FAM171A1: variants seen among roughly 807,000 people sequenced by gnomAD.
The protein encoded by FAM171A1 is family with sequence similarity 171 member A1, also known as protein FAM171A1.
FAM171A1 carries 23 observed loss-of-function variants against 74.9 expected under a neutral mutation model. The observed-to-expected ratio is 0.31, with a 90% CI of 0.22 to 0.44. The LOEUF (loss-of-function observed/expected upper bound fraction) is 0.44, where lower values mean the gene tolerates loss of function less well. FAM171A1 is among the 20% of genes least tolerant of loss of function. FAM171A1 has a pLI of 1.00. For missense variants in FAM171A1, 1,162 were observed against 1,159.2 expected (o/e 1.00, Z -0.03); for synonymous variants, 527 against 505.7 (o/e 1.04, Z -0.57).
intron 1 of FAM171A1, among the ~76,000 whole-genome samples, chr10:15,312,295 C>T (rs1293131193): frequency 6.9e-6 from 1 of 144,210 alleles, no homozygotes; most frequent in Non-Finnish European, 1.6e-5. Context: ...GAGACGCTCA[C>T]TCCAACTGTC....
chr10:15,212,965 G>A lies in FAM171A1; in HGVS notation c.2623C>T (p.Pro875Ser), dbSNP rs754969038. Residue 875 changes from proline (P) to serine (S), a missense_variant, in exon 8 of 8, where the codon CCC becomes TCC. Transcript: ENST00000378116. The part of the protein sequence containing the change: ...DDDQGEDKKS[P>S]WQKREERPLM... ...GGCCTCTCCTCCCGTTTCTGCCAGG[G>A]GCTTTTCTTGTCTTCTCCTTGGTCA... 1 of 1,614,056 alleles carries A rather than the reference G, an allele frequency of 6.2e-7. No homozygotes were observed. Among genetic ancestry groups the A allele is most frequent in the Non-Finnish European group, 8.5e-7 (1 of 1,180,018 alleles).
intron 5 of FAM171A1, among the ~76,000 whole-genome samples, chr10:15,247,343 C>T (rs541054052): frequency 3.2e-4 from 48 of 152,158 alleles, no homozygotes; most frequent in Non-Finnish European, 4.7e-4. Context: ...AGCGACATCA[C>T]TCACTGTGAC....
rs570454837 is a variant in FAM171A1, at chr10:15,342,069, C to T, written c.97+28887G>A. Among the ~76,000 whole-genome samples, 63 of 152,344 alleles carry T rather than the reference C, an allele frequency of 4.1e-4. 1 individual carries two copies. Among genetic ancestry groups the T allele is most frequent in the African/African-American group, 1.5e-3 (63 of 41,580 alleles). On this transcript the variant is annotated intron_variant, in intron 1 of 7. Coordinates refer to ENST00000378116, the MANE Select transcript of FAM171A1 (RefSeq NM_001010924.2). ...ACATCTTTAACTAGCAACCCAGGACCTGGATGCAGAAGGTCTTTATGCTAC... is the reference window on the plus strand; with the variant it reads ...ACATCTTTAACTAGCAACCCAGGACTTGGATGCAGAAGGTCTTTATGCTAC...
chr10:15,359,374 T>A (rs1835967580), intron 1 of FAM171A1, among the ~76,000 whole-genome samples: 1 of 152,112 alleles, frequency 6.6e-6, no homozygotes, highest in African/African-American at 2.4e-5. Context: ...CCATGGTGGG[T>A]TCTAAAGTCT....
At chr10:15,218,640 G>C (rs954406486) in intron 6 of FAM171A1, among the ~76,000 whole-genome samples, 7 of 152,060 alleles carry the variant, frequency 4.6e-5, no homozygotes, top group African/African-American at 1.7e-4. Flanking sequence ...TGTCACCTAC[G>C]CTGGAGTGCA....
At chr10:15,284,342 C>G (rs1310085049) in intron 1 of FAM171A1, among the ~76,000 whole-genome samples, 1 of 152,172 alleles carries the variant, frequency 6.6e-6, no homozygotes, top group Non-Finnish European at 1.5e-5. Context: ...TTCTTTACTA[C>G]TGCCTGCTCA....
intron 3 of FAM171A1, among the ~76,000 whole-genome samples, chr10:15,259,807 TA>T (rs2131775372): frequency 6.6e-6 from 1 of 151,958 alleles, no homozygotes; most frequent in East Asian, 1.9e-4. Flanking sequence ...ACTGCATGAC[TA>T]AGTCTGATTG....
At chr10:15,265,645 A>G (rs1834730454) in intron 3 of FAM171A1, among the ~76,000 whole-genome samples, 2 of 148,986 alleles carry the variant, frequency 1.3e-5, no homozygotes, top group African/African-American at 4.9e-5. Flanking sequence ...TACAAAAAGC[A>G]GCTGGATTTT....
chr10:15,231,024 C>T (rs1349144262), intron 5 of FAM171A1, among the ~76,000 whole-genome samples: 1 of 152,166 alleles, frequency 6.6e-6, no homozygotes, highest in Non-Finnish European at 1.5e-5. Flanking sequence ...GAAAAATCCT[C>T]AGGATGAAAG....
chr10:15,244,065 C>T (rs1834399721), intron 5 of FAM171A1, among the ~76,000 whole-genome samples: 1 of 152,152 alleles, frequency 6.6e-6, no homozygotes, highest in South Asian at 2.1e-4. Flanking sequence ...TTAAAGATAT[C>T]TAAATTGGCT....
intron 1 of FAM171A1, among the ~76,000 whole-genome samples, chr10:15,319,720 AC>A: frequency 6.6e-6 from 1 of 152,120 alleles, no homozygotes; most frequent in Non-Finnish European, 1.5e-5. Context: ...GGCATGAGCC[AC>A]CCCGCCTGGT....
At chr10:15,285,674 C>A in intron 1 of FAM171A1, among the ~76,000 whole-genome samples, 1 of 152,214 alleles carries the variant, frequency 6.6e-6, no homozygotes, top group East Asian at 1.9e-4. Context: ...TGGTCACTTG[C>A]AGGCACCACA....
intron 2 of FAM171A1, among the ~76,000 whole-genome samples, chr10:15,278,535 T>C (rs1588529619): frequency 1.3e-5 from 2 of 152,020 alleles, no homozygotes; most frequent in African/African-American, 2.4e-5. Context: ...GGATAAAGTG[T>C]GGTATTGTCT....
intron 1 of FAM171A1, among the ~76,000 whole-genome samples, chr10:15,357,867 A>G (rs138623037): frequency 4.0e-4 from 61 of 152,304 alleles, no homozygotes; most frequent in African/African-American, 1.3e-3. Context: ...TATGACTGAC[A>G]TTTTCATGAG....
intron 3 of FAM171A1, among the ~76,000 whole-genome samples, chr10:15,265,338 G>A (rs905549355): frequency 6.6e-6 from 1 of 151,870 alleles, no homozygotes; most frequent in Non-Finnish European, 1.5e-5. Flanking sequence ...AGTGGGTTGG[G>A]TGTGGCTGCC....
intron 1 of FAM171A1, among the ~76,000 whole-genome samples, chr10:15,316,998 G>A (rs1835429888): frequency 6.6e-6 from 1 of 151,874 alleles, no homozygotes; most frequent in South Asian, 2.1e-4. Flanking sequence ...CACTGGAGCT[G>A]CCCCTGCTCT....
At chr10:15,263,812 A>G (rs1834697940) in intron 3 of FAM171A1, among the ~76,000 whole-genome samples, 1 of 151,382 alleles carries the variant, frequency 6.6e-6, no homozygotes, top group Non-Finnish European at 1.5e-5. Context: ...TCTATTAATC[A>G]TCTATCTAAT....
At chr10:15,338,368 A>C (rs1192771683) in intron 1 of FAM171A1, among the ~76,000 whole-genome samples, 1 of 152,248 alleles carries the variant, frequency 6.6e-6, no homozygotes. Flanking sequence ...TATCAAACTA[A>C]AAAATGAATA....
At chr10:15,340,472 T>A (rs1426731601) in intron 1 of FAM171A1, among the ~76,000 whole-genome samples, 1 of 152,076 alleles carries the variant, frequency 6.6e-6, no homozygotes, top group Admixed American at 6.6e-5. Flanking sequence ...GAACTTTGAG[T>A]TCAAACTGCA....
Sources: gnomAD v4.1 joint callset for allele counts (sites outside exome capture counted in the v4.1 genomes callset) on GRCh38, gnomAD v4.1.1 for gene constraint, MANE v1.5 for transcripts, NCBI Gene and HGNC (gene_info 2026-07-23, HGNC 2026-07-21) for gene names.